The following ASAP1 variants were observed in gnomAD, a reference collection of about 807,000 sequenced individuals.
ASAP1 encodes the protein ArfGAP with SH3 domain, ankyrin repeat and PH domain 1.
Under a neutral mutation model 145.2 loss-of-function variants are expected in ASAP1, and 43 were observed. The observed-to-expected ratio is 0.30, with a 90% CI of 0.23 to 0.38. The LOEUF is 0.38. Among genes scored for constraint, ASAP1 ranks in the 10% least tolerant of loss-of-function variants. ASAP1 has a pLI of 1.00. For synonymous variants in ASAP1, 546 were observed against 515.5 expected (o/e 1.06, Z -0.80); for missense variants, 1,018 against 1,355.3 (o/e 0.75, Z 3.91).
chr8:130,103,410 T>C (rs758583400), intron 24 of ASAP1, among the ~76,000 whole-genome samples: 2 of 152,184 alleles, frequency 1.3e-5, no homozygotes, highest in Non-Finnish European at 2.9e-5. Context: ...ATTTCTGCTC[T>C]GATCTTTTTT....
intron 12 of ASAP1, among the ~76,000 whole-genome samples, chr8:130,154,103 C>T (rs1480662512): frequency 5.3e-5 from 8 of 152,058 alleles, no homozygotes; most frequent in South Asian, 2.1e-4. Flanking sequence ...TGAACTGCCT[C>T]GGGAGGTACA....
intron 3 of ASAP1, among the ~76,000 whole-genome samples, chr8:130,268,020 C>T (rs1189559911): frequency 6.6e-6 from 1 of 152,090 alleles, no homozygotes; most frequent in Non-Finnish European, 1.5e-5. Flanking sequence ...TTCCATACAC[C>T]CCAAGGAAAT....
Position 130,099,286 on chromosome 8 carries a change from C to T in ASAP1, c.2402-7143G>A, listed in dbSNP as rs541287045. 2.0e-4 allele frequency among the ~76,000 whole-genome samples: 30 copies of T among 152,056 alleles called. No individual in the cohort carries two copies. The East Asian group carries it at 5.8e-3, about 29-fold the overall frequency. On this transcript the variant is annotated intron_variant, in intron 24 of 29. Transcript: ENST00000518721. Reference sequence around the variant, plus strand: ...CTCCACCTCCCAGGTTCACGCCATTCTCCTGCCTCAGCCTCCCGAGTAGCT... The same window carrying T: ...CTCCACCTCCCAGGTTCACGCCATTTTCCTGCCTCAGCCTCCCGAGTAGCT...
At chr8:130,349,576 A>C (rs1417770705) in intron 3 of ASAP1, among the ~76,000 whole-genome samples, 1 of 152,218 alleles carries the variant, frequency 6.6e-6, no homozygotes, top group East Asian at 1.9e-4. Flanking sequence ...CGCTAGAAGT[A>C]ATAGGGATAC....
chr8:130,149,259 G>A (rs1279763864), intron 13 of ASAP1, among the ~76,000 whole-genome samples: 1 of 149,084 alleles, frequency 6.7e-6, no homozygotes, highest in Non-Finnish European at 1.5e-5. Flanking sequence ...ATAGTTGGAA[G>A]CTGCTATCAC....
At chr8:130,390,408 C>T (rs56385215) in intron 2 of ASAP1, among the ~76,000 whole-genome samples, 5,030 of 152,262 alleles carry the variant, frequency 0.033, 107 homozygotes, top group African/African-American at 0.064. Flanking sequence ...GAATGATGTA[C>T]TCATGTGTTT....
At chr8:130,217,310 T>G (rs944388088) in intron 4 of ASAP1, among the ~76,000 whole-genome samples, 7 of 152,130 alleles carry the variant, frequency 4.6e-5, no homozygotes, top group Admixed American at 2.0e-4. Flanking sequence ...TCTTTTTTTT[T>G]GGTTTTTTTT....
intron 9 of ASAP1, among the ~76,000 whole-genome samples, chr8:130,173,417 C>G (rs1008080054): frequency 6.6e-6 from 1 of 152,130 alleles, no homozygotes; most frequent in Non-Finnish European, 1.5e-5. Context: ...AGGGCAGTGG[C>G]TTCTCTGTTC....
intron 4 of ASAP1, among the ~76,000 whole-genome samples, chr8:130,227,955 G>T (rs1817682032): frequency 6.6e-6 from 1 of 152,154 alleles, no homozygotes; most frequent in Non-Finnish European, 1.5e-5. Context: ...AAGGGCAACA[G>T]CACATGTGAG....
intron 3 of ASAP1, among the ~76,000 whole-genome samples, chr8:130,264,810 A>C (rs1820144589): frequency 6.6e-6 from 1 of 152,156 alleles, no homozygotes; most frequent in African/African-American, 2.4e-5. Flanking sequence ...ACACACGATG[A>C]TCACTATGTA....
At chr8:130,231,242 T>A (rs868675164) in intron 4 of ASAP1, among the ~76,000 whole-genome samples, 1 of 152,152 alleles carries the variant, frequency 6.6e-6, no homozygotes, top group Non-Finnish European at 1.5e-5. Context: ...TGAAAAGGAA[T>A]GGGAGACAAA....
Position 130,118,593 on chromosome 8 carries a change from G to A in ASAP1, c.1690C>T (p.Leu564=), listed in dbSNP as rs573245931. 6.2e-7 allele frequency: 1 copy of A among 1,613,990 alleles called. No individual in the cohort carries two copies. Among genetic ancestry groups the A allele is most frequent in the Non-Finnish European group, 8.5e-7 (1 of 1,179,938 alleles). The part of the protein sequence containing the change: ...RKTCSTSSAK[L]NELLEAIKSR... ...TTGATGGCCTCAAGCAATTCATTTAGTTTAGCTGATGAAGTTGAACAGGTC... is the reference window on the plus strand; with the variant it reads ...TTGATGGCCTCAAGCAATTCATTTAATTTAGCTGATGAAGTTGAACAGGTC... Residue 564 remains leucine, a synonymous_variant, in exon 19 of 30, where the codon CTA becomes TTA. Coordinates refer to ENST00000518721, the MANE Select transcript of ASAP1 (RefSeq NM_018482.4).
chr8:130,171,047 G>A (rs949628415), intron 9 of ASAP1, among the ~76,000 whole-genome samples: 10 of 152,082 alleles, frequency 6.6e-5, no homozygotes, highest in Non-Finnish European at 1.2e-4. Flanking sequence ...TTGGGTTTTC[G>A]GCACTGCCTA....
intron 15 of ASAP1, among the ~76,000 whole-genome samples, chr8:130,130,163 A>T (rs1042804433): frequency 6.6e-6 from 1 of 152,222 alleles, no homozygotes; most frequent in Non-Finnish European, 1.5e-5. Flanking sequence ...AATCCAAAAA[A>T]GTTGTGGGCC....
chr8:130,240,446 G>A (rs11785286), intron 3 of ASAP1, among the ~76,000 whole-genome samples: 5,286 of 152,184 alleles, frequency 0.035, 124 homozygotes, highest in Middle Eastern at 0.065. Flanking sequence ...ACAAGTCTAA[G>A]TGTGCTACAA....
chr8:130,424,543 T>C (rs1263217859), intron 1 of ASAP1, among the ~76,000 whole-genome samples: 1 of 152,108 alleles, frequency 6.6e-6, no homozygotes, highest in Non-Finnish European at 1.5e-5. Flanking sequence ...AATTTAATCT[T>C]CCCAGTGACA....
intron 1 of ASAP1, among the ~76,000 whole-genome samples, chr8:130,417,061 CAT>C (rs1238276130): frequency 6.6e-6 from 1 of 151,068 alleles, no homozygotes; most frequent in Admixed American, 6.6e-5. Flanking sequence ...TGCATACACA[CAT>C]ACACACATGC....
At chr8:130,369,953 G>C (rs1827134624) in intron 2 of ASAP1, among the ~76,000 whole-genome samples, 1 of 152,194 alleles carries the variant, frequency 6.6e-6, no homozygotes, top group East Asian at 1.9e-4. Context: ...ACACTTTTGA[G>C]AGGTAATTAA....
At chr8:130,292,338 G>C (rs1002247875) in intron 3 of ASAP1, among the ~76,000 whole-genome samples, 2 of 152,196 alleles carry the variant, frequency 1.3e-5, no homozygotes, top group Admixed American at 1.3e-4. Flanking sequence ...GTGCAGTTAA[G>C]ATGGTGTGAT....
Sources: allele counts gnomAD v4.1 joint callset (sites outside exome capture counted in the v4.1 genomes callset), GRCh38; gene constraint gnomAD v4.1.1; transcripts MANE v1.5; gene names NCBI Gene and HGNC (gene_info 2026-07-23, HGNC 2026-07-21).